The following OPCML variants were observed in gnomAD, a reference collection of about 807,000 sequenced individuals.
The protein encoded by OPCML is opioid binding protein/cell adhesion molecule like, also known as opioid-binding protein/cell adhesion molecule.
A neutral mutation model predicts 37.8 loss-of-function variants in OPCML; 13 were observed. The ratio of observed to expected loss-of-function variants is 0.34; its 90% CI spans 0.22 to 0.55. OPCML has a LOEUF of 0.55. Among genes scored for constraint, OPCML ranks in the 20% least tolerant of loss-of-function variants. The pLI, the probability that OPCML is intolerant of heterozygous loss-of-function variation, is 0.91. For missense variants in OPCML, 341 were observed against 435.6 expected (o/e 0.78, Z 1.93); for synonymous variants, 176 against 168.8 (o/e 1.04, Z -0.33).
intron 1 of OPCML, among the ~76,000 whole-genome samples, chr11:133,040,435 G>A (rs1283886591): frequency 6.6e-6 from 1 of 152,186 alleles, no homozygotes; most frequent in African/African-American, 2.4e-5. Flanking sequence ...CTCTTTTCCT[G>A]TGAGTCAAAG....
intron 4 of OPCML, among the ~76,000 whole-genome samples, chr11:132,465,396 C>A (rs2136929989): frequency 6.6e-6 from 1 of 152,260 alleles, no homozygotes; most frequent in African/African-American, 2.4e-5. Context: ...TTACCAATTT[C>A]ATTCTGTAAA....
chr11:132,466,871 C>T (rs1038851942), intron 4 of OPCML, among the ~76,000 whole-genome samples: 12 of 152,080 alleles, frequency 7.9e-5, no homozygotes, highest in African/African-American at 2.9e-4. Flanking sequence ...ATTATGCATG[C>T]ACTTATGTGT....
chr11:133,297,941 A>G (rs1320023339), intron 1 of OPCML: 9 of 152,160 alleles, frequency 5.9e-5, no homozygotes, highest in Admixed American at 5.9e-4. Context: ...TGGGTAGAAT[A>G]GGTATTACTA....
chr11:132,727,729 A>C (rs1022362522), intron 2 of OPCML, among the ~76,000 whole-genome samples: 2 of 152,232 alleles, frequency 1.3e-5, no homozygotes, highest in African/African-American at 2.4e-5. Context: ...TGGAATCTCC[A>C]GTCGGGAAAA....
intron 4 of OPCML, among the ~76,000 whole-genome samples, chr11:132,459,448 C>T (rs865836660): frequency 3.0e-5 from 4 of 135,232 alleles, no homozygotes; most frequent in South Asian, 4.6e-4. Flanking sequence ...TACATACATA[C>T]ATATCTACTT....
At chr11:132,786,874 A>C (rs983203250) in intron 2 of OPCML, among the ~76,000 whole-genome samples, 3 of 152,160 alleles carry the variant, frequency 2.0e-5, no homozygotes, top group Non-Finnish European at 4.4e-5. Context: ...TGTGGTCCTC[A>C]GGGTGTACAG....
intron 1 of OPCML, among the ~76,000 whole-genome samples, chr11:133,114,353 CTTTT>C (rs1555096576): frequency 6.6e-6 from 1 of 151,760 alleles, no homozygotes; most frequent in Non-Finnish European, 1.5e-5. Context: ...TCTGACGTCT[CTTTT>C]TTTTCTTTTT....
rs144392741 is a variant in OPCML, at chr11:132,618,884, G to C, written c.379+38203C>G. ...AACCTGCTCTTGACCAAGTCCAATT[G>C]CCCCTGCAGCCAGAATAATCTCCTA... On this transcript the variant is annotated intron_variant, in intron 3 of 7. Coordinates refer to ENST00000524381, the MANE Select transcript of OPCML (RefSeq NM_001012393.5). Among the ~76,000 whole-genome samples the C allele has an allele frequency of 3.5e-3, 532 of 151,028 alleles. 2 individuals are homozygous for C. The highest frequency in any genetic ancestry group is 0.012 in the African/African-American group (501 of 41,030).
intron 2 of OPCML, among the ~76,000 whole-genome samples, chr11:132,925,039 G>T (rs1197682044): frequency 6.6e-6 from 1 of 152,184 alleles, no homozygotes; most frequent in African/African-American, 2.4e-5. Context: ...CCTCAGTTGT[G>T]TCCAGTCCAC....
intron 2 of OPCML, among the ~76,000 whole-genome samples, chr11:132,678,225 T>C (rs561521371): frequency 1.3e-5 from 2 of 152,142 alleles, no homozygotes; most frequent in African/African-American, 4.8e-5. Context: ...CTGGCCAAAA[T>C]CCAGAACACT....
chr11:133,455,718 C>T (rs1037128369), intron 1 of OPCML, among the ~76,000 whole-genome samples: 3 of 152,140 alleles, frequency 2.0e-5, no homozygotes, highest in East Asian at 3.9e-4. Context: ...AGGTCTACAC[C>T]CTTGTTTCCC....
rs189918348 is a variant in OPCML at position 133,455,034 on chromosome 11, C to A, written c.61+77230G>T. ...TTTGGAAGTTTGTCCCACTAACTAACAATATGTTTTTCTATGGCTTAGCTT... is the reference window on the plus strand; with the variant it reads ...TTTGGAAGTTTGTCCCACTAACTAAAAATATGTTTTTCTATGGCTTAGCTT... On this transcript the variant is annotated intron_variant, in intron 1 of 7. Transcript: ENST00000524381. Among the ~76,000 whole-genome samples, 315 of 152,180 alleles carry A rather than the reference C, an allele frequency of 2.1e-3. 3 individuals are homozygous for A. Among genetic ancestry groups the A allele is most frequent in the African/African-American group, 6.9e-3 (287 of 41,538 alleles).
At chr11:132,580,744 C>G (rs966006375) in intron 3 of OPCML, among the ~76,000 whole-genome samples, 3 of 152,282 alleles carry the variant, frequency 2.0e-5, no homozygotes, top group Middle Eastern at 3.4e-3. Context: ...TTCTATCCTT[C>G]CTACCTCCCT....
intron 1 of OPCML, among the ~76,000 whole-genome samples, chr11:133,314,596 C>T (rs182059532): frequency 6.6e-6 from 1 of 151,916 alleles, no homozygotes; most frequent in Non-Finnish European, 1.5e-5. Flanking sequence ...ACACAGTCCA[C>T]GCTGCCATCA....
chr11:132,595,178 G>T (rs1034732341), intron 3 of OPCML, among the ~76,000 whole-genome samples: 5 of 152,084 alleles, frequency 3.3e-5, no homozygotes, highest in Non-Finnish European at 7.4e-5. Context: ...TGAGAAAAAG[G>T]TGGTACATCA....
chr11:132,893,624 C>G (rs1174911405), intron 2 of OPCML, among the ~76,000 whole-genome samples: 1 of 152,250 alleles, frequency 6.6e-6, no homozygotes, highest in Non-Finnish European at 1.5e-5. Context: ...ATCAAACTCT[C>G]TCTTTGCCAG....
chr11:132,701,075 TAAAG>T (rs1175198615), intron 2 of OPCML, among the ~76,000 whole-genome samples: 1 of 152,182 alleles, frequency 6.6e-6, no homozygotes, highest in African/African-American at 2.4e-5. Flanking sequence ...ACACTGCTAA[TAAAG>T]ACATACCCAA....
intron 1 of OPCML, among the ~76,000 whole-genome samples, chr11:133,146,872 AC>A (rs1339228349): frequency 2.0e-5 from 3 of 152,160 alleles, no homozygotes; most frequent in Non-Finnish European, 4.4e-5. Context: ...AGGGGAAAAA[AC>A]ACACACAGTT....
At chr11:132,708,747 A>G (rs1393491461) in intron 2 of OPCML, among the ~76,000 whole-genome samples, 1 of 152,202 alleles carries the variant, frequency 6.6e-6, no homozygotes, top group South Asian at 2.1e-4. Context: ...TTTCTCAGTG[A>G]ATCAGAATAA....
Sources: allele counts gnomAD v4.1 joint callset (sites outside exome capture counted in the v4.1 genomes callset), GRCh38; gene constraint gnomAD v4.1.1; transcripts MANE v1.5; gene names NCBI Gene and HGNC (gene_info 2026-07-23, HGNC 2026-07-21).